ADK: variants seen among roughly 807,000 people sequenced by gnomAD.
ADK encodes the protein N6,N6-dimethyladenosine kinase.
In ADK, 24 loss-of-function variants were observed where a neutral mutation model predicts 44.7. The ratio of observed to expected loss-of-function variants is 0.54; its 90% CI spans 0.39 to 0.76. The LOEUF (loss-of-function observed/expected upper bound fraction) is 0.76. ADK is among the 30% of genes least tolerant of loss of function. ADK has a pLI of 0.00. For synonymous variants in ADK, 128 were observed against 142.6 expected (o/e 0.90, Z 0.73); for missense variants, 321 against 425.1 (o/e 0.76, Z 2.15).
At position 74,305,200 on chromosome 10, in the gene ADK, T is replaced by A. The variant is rs181185584; in HGVS notation, c.195-9467T>A. 8.6e-4 allele frequency among the ~76,000 whole-genome samples: 131 copies of A among 152,310 alleles called. 1 individual carries two copies. Among genetic ancestry groups the A allele is most frequent in the African/African-American group, 3.1e-3 (130 of 41,566 alleles). ...TACATATTTTTCCAAATATTTTCAA[T>A]CTGTGGTTGGTTGAATCCATGGATG... On this transcript the variant is annotated intron_variant, in intron 3 of 10. Coordinates refer to ENST00000539909, the MANE Select transcript of ADK (RefSeq NM_006721.4).
At chr10:74,220,821 C>G (rs553493397) in intron 2 of ADK, among the ~76,000 whole-genome samples, 2 of 152,154 alleles carry the variant, frequency 1.3e-5, no homozygotes, top group East Asian at 1.9e-4. Context: ...ATTTAACAAC[C>G]CTTCATGCTA....
intron 9 of ADK, among the ~76,000 whole-genome samples, chr10:74,603,423 G>A (rs565901642): frequency 1.7e-4 from 26 of 151,892 alleles, no homozygotes; most frequent in East Asian, 7.8e-4. Context: ...CCCACCCCCC[G>A]ACAGGCCCTG....
At chr10:74,583,639 C>T (rs1192323899) in intron 7 of ADK, among the ~76,000 whole-genome samples, 3 of 152,140 alleles carry the variant, frequency 2.0e-5, no homozygotes, top group South Asian at 4.2e-4. Context: ...CCCACCTCAG[C>T]CTCCCAAAAT....
rs1592095352 is a variant in ADK at position 74,357,464 on chromosome 10, T to C, written c.274-36677T>C. Among the ~76,000 whole-genome samples the C allele has an allele frequency of 4.7e-5, 2 of 42,278 alleles. 1 individual carries two copies. The allele number at this position is 42,278 out of a possible 152,430, so 27.7% of individuals were successfully genotyped here. A position where few individuals can be genotyped will look rare whatever the true frequency, so the allele number is the denominator to read the frequency against. On this transcript the variant is annotated intron_variant, in intron 4 of 10. Coordinates refer to ENST00000539909, the MANE Select transcript of ADK (RefSeq NM_006721.4). The stretch of plus-strand genomic sequence containing the variant: ...CACACCCCACCATACCCAGTGATTT[T>C]TTTTTTTTTTTTTTTTTTAAGAGAC...
At chr10:74,619,907 A>G (rs902537963) in intron 9 of ADK, among the ~76,000 whole-genome samples, 1 of 152,072 alleles carries the variant, frequency 6.6e-6, no homozygotes, top group Admixed American at 6.6e-5. Flanking sequence ...TTTTTATTAG[A>G]GATGAGGTCT....
intron 6 of ADK, among the ~76,000 whole-genome samples, chr10:74,481,154 G>A (rs1847058192): frequency 1.3e-5 from 2 of 152,182 alleles, no homozygotes; most frequent in Non-Finnish European, 2.9e-5. Flanking sequence ...CTTTGTCCTA[G>A]TAATGTTGAA....
rs10710238 is a variant in ADK at position 74,520,593 on chromosome 10, T to TA, written c.556-4652dup. On this transcript the variant is annotated intron_variant, in intron 6 of 10. Transcript: ENST00000539909. ...TACCTTGAATTAAGGTAAACACTGG[T>TA]AAAAAAAAAAAGAGCAAAAAGGGCA... Among the ~76,000 whole-genome samples, 426 of 149,344 alleles carry TA rather than the reference T, an allele frequency of 2.9e-3. 5 individuals are homozygous for TA. Among genetic ancestry groups the TA allele is most frequent in the East Asian group, 0.011 (55 of 5,092 alleles).
At chr10:74,672,199 T>A (rs1472599471) in intron 10 of ADK, among the ~76,000 whole-genome samples, 1 of 152,252 alleles carries the variant, frequency 6.6e-6, no homozygotes, top group African/African-American at 2.4e-5. Flanking sequence ...TCCACAGTCG[T>A]CTTTTTTAAA....
chr10:74,405,096 C>A (rs1843868044), intron 6 of ADK, among the ~76,000 whole-genome samples: 1 of 152,124 alleles, frequency 6.6e-6, no homozygotes, highest in African/African-American at 2.4e-5. Flanking sequence ...TGGATACCTC[C>A]TTTGCTGTGC....
intron 9 of ADK, among the ~76,000 whole-genome samples, chr10:74,618,151 A>T (rs1852847769): frequency 6.6e-6 from 1 of 151,948 alleles, no homozygotes; most frequent in Non-Finnish European, 1.5e-5. Flanking sequence ...TCATATTTTA[A>T]TCAGCCTGTT....
At chr10:74,383,408 GTCTCTCTC>G (rs1554851152) in intron 4 of ADK, among the ~76,000 whole-genome samples, 1 of 150,216 alleles carries the variant, frequency 6.7e-6, no homozygotes, top group Admixed American at 6.6e-5. Context: ...CTCTGTCTCT[GTCTCTCTC>G]TCTCTCTCTC....
At chr10:74,539,609 G>A (rs186676709) in intron 7 of ADK, among the ~76,000 whole-genome samples, 2 of 151,950 alleles carry the variant, frequency 1.3e-5, no homozygotes, top group Non-Finnish European at 2.9e-5. Flanking sequence ...TGATAAGAGG[G>A]GCTATGTAGA....
chr10:74,334,930 T>G (rs371020715), intron 4 of ADK, among the ~76,000 whole-genome samples: 1 of 152,214 alleles, frequency 6.6e-6, no homozygotes, highest in Non-Finnish European at 1.5e-5. Flanking sequence ...GAGGCTTTCC[T>G]TAAGTGTCTC....
chr10:74,180,768 G>C (rs766839562), intron 1 of ADK, among the ~76,000 whole-genome samples: 3 of 152,126 alleles, frequency 2.0e-5, no homozygotes, highest in Non-Finnish European at 4.4e-5. Context: ...GGCCATGCTA[G>C]TCTTGAATTC....
intron 9 of ADK, among the ~76,000 whole-genome samples, chr10:74,650,173 A>G (rs1288289768): frequency 6.6e-6 from 1 of 152,026 alleles, no homozygotes; most frequent in Non-Finnish European, 1.5e-5. Flanking sequence ...TAGTCCCAAC[A>G]CTCTGGGAGG....
chr10:74,496,062 A>G (rs1459525986), intron 6 of ADK, among the ~76,000 whole-genome samples: 1 of 152,050 alleles, frequency 6.6e-6, no homozygotes, highest in African/African-American at 2.4e-5. Flanking sequence ...TATTGTCTTG[A>G]GATGATTTTT....
At chr10:74,463,962 T>C (rs1311048797) in intron 6 of ADK, among the ~76,000 whole-genome samples, 1 of 152,186 alleles carries the variant, frequency 6.6e-6, no homozygotes, top group Non-Finnish European at 1.5e-5. Context: ...AAGCAAAACT[T>C]ATTAACAGGA....
intron 10 of ADK, among the ~76,000 whole-genome samples, chr10:74,680,525 AT>A (rs77913387): frequency 0.13 from 19,118 of 146,850 alleles, 2,083 homozygotes; most frequent in African/African-American, 0.29. Context: ...GTATGTCTGA[AT>A]TTTTTTTTTT....
At chr10:74,577,176 A>T in intron 7 of ADK, among the ~76,000 whole-genome samples, 2 of 133,694 alleles carry the variant, frequency 1.5e-5, no homozygotes, top group South Asian at 2.4e-4. Flanking sequence ...ACATTTGGCC[A>T]ATTTCTTTTT....
Sources: allele counts gnomAD v4.1 joint callset (sites outside exome capture counted in the v4.1 genomes callset), GRCh38; gene constraint gnomAD v4.1.1; transcripts MANE v1.5; gene names NCBI Gene and HGNC (gene_info 2026-07-23, HGNC 2026-07-21).